The following KIAA0825 variants were observed in gnomAD, a reference collection of about 807,000 sequenced individuals.
The protein encoded by KIAA0825 is uncharacterized protein KIAA0825.
In KIAA0825, 119 loss-of-function variants were observed where a neutral mutation model predicts 147.6. That is an observed-to-expected ratio of 0.81 (90% CI 0.69 to 0.94). The LOEUF is 0.94. KIAA0825 is among the 40% of genes least tolerant of loss of function. KIAA0825 has a pLI of 0.00. For missense variants in KIAA0825, 1,381 were observed against 1,472.7 expected (o/e 0.94, Z 1.02); for synonymous variants, 470 against 518.1 (o/e 0.91, Z 1.26).
chr5:94,247,904 G>C (rs1010105462), intron 20 of KIAA0825, among the ~76,000 whole-genome samples: 4 of 152,002 alleles, frequency 2.6e-5, no homozygotes, highest in African/African-American at 9.7e-5. Flanking sequence ...AAATATAAGG[G>C]GGGGTAATAA....
chr5:94,505,000 C>A (rs563411648), intron 5 of KIAA0825, among the ~76,000 whole-genome samples: 2 of 151,748 alleles, frequency 1.3e-5, no homozygotes, highest in Non-Finnish European at 2.9e-5. Flanking sequence ...CCCTCCTCGG[C>A]CTCCCAAAGT....
chr5:94,369,210 G>A (rs1273768898), intron 20 of KIAA0825, among the ~76,000 whole-genome samples: 1 of 152,022 alleles, frequency 6.6e-6, no homozygotes, highest in African/African-American at 2.4e-5. Context: ...CAAGAATATG[G>A]AATCTAGAGC....
intron 1 of KIAA0825, among the ~76,000 whole-genome samples, chr5:94,610,788 T>TAAAAAAAAAAAAAAAAAAAAAAAAAA (rs1788603403): frequency 1.5e-5 from 1 of 66,046 alleles, no homozygotes; most frequent in African/African-American, 8.3e-5. Flanking sequence ...AAAAAAAAAG[T>TAAAAAAAAAAAAAAAAAAAAAAAAAA]ATATATATAT....
intron 5 of KIAA0825, 64 bp downstream of exon 5, chr5:94,520,184 T>A: frequency 7.0e-7 from 1 of 1,427,040 alleles, no homozygotes; most frequent in Non-Finnish European, 9.2e-7. Flanking sequence ...AGAAAACATC[T>A]TAGAAAATTA....
At chr5:94,320,616 T>A (rs547593683) in intron 20 of KIAA0825, among the ~76,000 whole-genome samples, 90 of 152,068 alleles carry the variant, frequency 5.9e-4, no homozygotes, top group Non-Finnish European at 1.0e-3. Flanking sequence ...CCATAGAATG[T>A]AAACTTCATG....
chr5:94,487,906 T>C (rs938311575), intron 5 of KIAA0825, among the ~76,000 whole-genome samples: 1 of 152,102 alleles, frequency 6.6e-6, no homozygotes, highest in African/African-American at 2.4e-5. Context: ...TGAGCCAAGA[T>C]TGTGCCACTG....
At position 94,152,977 on chromosome 5, in the gene KIAA0825, A is replaced by G. The variant is rs1422271897; in HGVS notation, c.*1030T>C. On this transcript the variant is annotated 3_prime_UTR_variant, in exon 21 of 21. Coordinates refer to ENST00000682413, the MANE Select transcript of KIAA0825 (RefSeq NM_001145678.3). ...TTGTCTTTTTCTTTCATTGGCAGCT[A>G]TTTAATCAATTGTGTTCGTTAACTG... 1 of 138,688 alleles carries G rather than the reference A, an allele frequency of 7.2e-6. No individual in the cohort carries two copies. Among genetic ancestry groups the G allele is most frequent in the Non-Finnish European group, 1.5e-5 (1 of 65,258 alleles). 8.6% of individuals were successfully genotyped at this position (138,688 alleles called of 1,614,324 possible).
chr5:94,319,752 C>A (rs958163603), intron 20 of KIAA0825, among the ~76,000 whole-genome samples: 4 of 151,954 alleles, frequency 2.6e-5, no homozygotes, highest in African/African-American at 9.7e-5. Flanking sequence ...TCTATTTCCA[C>A]TCTTTCTACC....
At chr5:94,489,049 T>A (rs555711513) in intron 5 of KIAA0825, among the ~76,000 whole-genome samples, 2 of 152,354 alleles carry the variant, frequency 1.3e-5, no homozygotes, top group South Asian at 4.1e-4. Flanking sequence ...CCTTTCATTG[T>A]TAGACCTTTT....
intron 1 of KIAA0825, among the ~76,000 whole-genome samples, chr5:94,608,470 A>AC (rs1394213822): frequency 5.6e-5 from 1 of 17,742 alleles, no homozygotes; most frequent in Non-Finnish European, 9.2e-5. Context: ...TATATTATAT[A>AC]TATAATATAT....
intron 2 of KIAA0825, among the ~76,000 whole-genome samples, chr5:94,553,306 G>A (rs1775888786): frequency 6.6e-6 from 1 of 151,904 alleles, no homozygotes; most frequent in Non-Finnish European, 1.5e-5. Context: ...AGGGCATGGT[G>A]GTTGGCGCTT....
At chr5:94,177,801 G>A (rs1349897439) in intron 20 of KIAA0825, among the ~76,000 whole-genome samples, 1 of 152,094 alleles carries the variant, frequency 6.6e-6, no homozygotes, top group Non-Finnish European at 1.5e-5. Context: ...TAAAATATTA[G>A]TGTGTAGAAA....
chr5:94,525,458 T>G (rs548405742), intron 3 of KIAA0825, among the ~76,000 whole-genome samples: 1 of 151,924 alleles, frequency 6.6e-6, no homozygotes, highest in Admixed American at 6.6e-5. Flanking sequence ...ACAAAGAACT[T>G]AAAAGGAAAA....
chr5:94,435,915 T>C (rs914499360), intron 14 of KIAA0825, among the ~76,000 whole-genome samples: 7 of 152,194 alleles, frequency 4.6e-5, no homozygotes, highest in African/African-American at 1.7e-4. Context: ...TGGCTGCATG[T>C]ATATCTTCTT....
chr5:94,275,212 A>G (rs1182026880), intron 20 of KIAA0825, among the ~76,000 whole-genome samples: 2 of 152,154 alleles, frequency 1.3e-5, no homozygotes, highest in Admixed American at 6.6e-5. Context: ...TATAATCTAG[A>G]TATACAGATA....
chr5:94,478,451 T>TCTCACACACA (rs1554289711), intron 6 of KIAA0825, among the ~76,000 whole-genome samples: 306 of 146,246 alleles, frequency 2.1e-3, no homozygotes, highest in African/African-American at 7.3e-3. Flanking sequence ...CACATGTGCA[T>TCTCACACACA]CACACACACA....
intron 20 of KIAA0825, among the ~76,000 whole-genome samples, chr5:94,371,372 T>A (rs2150457549): frequency 6.6e-6 from 1 of 152,330 alleles, no homozygotes; most frequent in South Asian, 2.1e-4. Context: ...ATAAGTCCAT[T>A]CTTACGCTGC....
At chr5:94,604,022 G>C (rs1368207169) in intron 1 of KIAA0825, among the ~76,000 whole-genome samples, 1 of 152,138 alleles carries the variant, frequency 6.6e-6, no homozygotes, top group Non-Finnish European at 1.5e-5. Context: ...AGATGAACAA[G>C]ACAGAAAATT....
intron 12 of KIAA0825, among the ~76,000 whole-genome samples, chr5:94,454,907 A>G (rs1758892080): frequency 6.6e-6 from 1 of 152,186 alleles, no homozygotes; most frequent in Non-Finnish European, 1.5e-5. Context: ...AACGAACAAT[A>G]TTCATCTCCT....
Sources: allele counts gnomAD v4.1 joint callset (sites outside exome capture counted in the v4.1 genomes callset), GRCh38; gene constraint gnomAD v4.1.1; transcripts MANE v1.5; gene names NCBI Gene and HGNC (gene_info 2026-07-23, HGNC 2026-07-21).